Variants in TCTN2 observed in about 807,000 individuals in gnomAD.
The protein encoded by TCTN2 is tectonic-2.
TCTN2 carries 66 observed loss-of-function variants against 83.4 expected under a neutral mutation model. That is an observed-to-expected ratio of 0.79 (90% CI 0.65 to 0.97). The LOEUF (loss-of-function observed/expected upper bound fraction) is 0.97, where lower values mean the gene tolerates loss of function less well. TCTN2 is among the 50% of genes least tolerant of loss of function. The probability of loss-of-function intolerance (pLI) is 0.00; values close to 1 mark genes in which losing one functional copy is unlikely to be tolerated. For synonymous variants in TCTN2, 301 were observed against 326.7 expected, an observed-to-expected ratio of 0.92 and a Z score of 0.85; for missense variants, 794 against 858.1, an observed-to-expected ratio of 0.93 and a Z score of 0.93.
At chr12:123,690,699 GA>G in intron 8 of TCTN2, 25 bp downstream of exon 8, 1 of 1,612,980 alleles carries the variant, frequency 6.2e-7, no homozygotes, top group Non-Finnish European at 8.5e-7. Flanking sequence ...TTTGAAAAAA[GA>G]ACACAGGCCC....
At chr12:123,690,790 A>G in intron 8 of TCTN2, 116 bp downstream of exon 8, 6 of 1,303,186 alleles carry the variant, frequency 4.6e-6, no homozygotes, top group Non-Finnish European at 6.5e-6. Flanking sequence ...TTGAACTGCC[A>G]ATTATTTTCT....
chr12:123,671,226 C>G lies in TCTN2; in HGVS notation c.-15C>G. 1 of 1,610,070 alleles carries G rather than the reference C, an allele frequency of 6.2e-7. No homozygotes were observed. Among genetic ancestry groups the G allele is most frequent in the East Asian group, 2.2e-5 (1 of 44,742 alleles). On this transcript the variant is annotated 5_prime_UTR_variant, in exon 1 of 18. Coordinates refer to ENST00000303372, the MANE Select transcript of TCTN2 (RefSeq NM_024809.5). ...GGGCGCGGTTCTGCTGTGCCCGGCC[C>G]GCGAGGTCTAAGGCATGGGCTTCCA...
intron 3 of TCTN2, among the ~76,000 whole-genome samples, chr12:123,672,777 G>A (rs886345999): frequency 4.6e-5 from 7 of 151,314 alleles, no homozygotes; most frequent in African/African-American, 7.3e-5. Context: ...CTGGTCAGGC[G>A]CGGTGGCTCA....
rs1185327923 is a variant in TCTN2 at position 123,690,524 on chromosome 12, C to A, written c.892-9C>A. 6.2e-7 allele frequency: 1 copy of A among 1,614,080 alleles called. No homozygotes were observed. The highest frequency in any genetic ancestry group is 1.3e-5 in the African/African-American group (1 of 74,940). On this transcript the variant is annotated splice_polypyrimidine_tract_variant and intron_variant, in intron 7 of 17. Transcript: ENST00000303372. Reference sequence around the variant, plus strand: ...CCATAAATCTGTTGGCTTTGCCCTTCTCCCTCAGGTGTCCCTGGCTGGGCA... The same window carrying A: ...CCATAAATCTGTTGGCTTTGCCCTTATCCCTCAGGTGTCCCTGGCTGGGCA...
At chr12:123,699,537 C>G (rs1956147729) in intron 13 of TCTN2, among the ~76,000 whole-genome samples, 167 bp from the exon 14 acceptor site, 1 of 152,218 alleles carries the variant, frequency 6.6e-6, no homozygotes, top group East Asian at 1.9e-4. Flanking sequence ...CTGGGAAGGC[C>G]ATCAGACACA....
chr12:123,689,688 G>C (rs947464006), intron 7 of TCTN2, among the ~76,000 whole-genome samples: 1 of 151,972 alleles, frequency 6.6e-6, no homozygotes, highest in Non-Finnish European at 1.5e-5. Flanking sequence ...GTAGGGTCCG[G>C]TATAAAAAAC....
In TCTN2 at chr12:123,683,227, A is replaced by T. The variant is rs200332937; in HGVS notation, c.565-3609A>T. 7.2e-5 allele frequency among the ~76,000 whole-genome samples: 11 copies of T among 152,004 alleles called. No individual in the cohort carries two copies. In the East Asian group the frequency reaches 1.4e-3, roughly 19 times the overall value. ...GACAGAGTGAGAGTCCATCTCAAAA[A>T]AATAATAATAATAATTTTTGATTAA... is the stretch of plus-strand genomic sequence containing the variant. On this transcript the variant is annotated intron_variant, in intron 5 of 17. Transcript: ENST00000303372.
At position 123,703,911 on chromosome 12, in the gene TCTN2, T is replaced by G. The variant is rs199957726; in HGVS notation, c.1613-621T>G. Among the ~76,000 whole-genome samples the G allele has an allele frequency of 3.3e-5, 5 of 152,290 alleles. No homozygotes were observed. The East Asian group carries it at 9.6e-4, about 29-fold the overall frequency. On this transcript the variant is annotated intron_variant, in intron 14 of 17. Transcript: ENST00000303372. ...TTTCTGTTAAAAGGCTGGGTAGATTTCAGTGGGAGCTTGGAAACTGAATCA... is the reference window on the plus strand; with the variant it reads ...TTTCTGTTAAAAGGCTGGGTAGATTGCAGTGGGAGCTTGGAAACTGAATCA...
At chr12:123,682,834 T>C (rs1437666355) in intron 5 of TCTN2, among the ~76,000 whole-genome samples, 1 of 152,160 alleles carries the variant, frequency 6.6e-6, no homozygotes, top group African/African-American at 2.4e-5. Context: ...TTTAAAAATT[T>C]GATGAAGTCC....
At chr12:123,671,981 C>T in intron 2 of TCTN2, 75 bp from the exon 3 acceptor site, 2 of 1,219,638 alleles carry the variant, frequency 1.6e-6, no homozygotes, top group East Asian at 2.3e-5. Flanking sequence ...TGAGTCCATC[C>T]TAGGCAGTCT....
At position 123,688,159 on chromosome 12, in the gene TCTN2, A is replaced by G. The variant is rs73418153; in HGVS notation, c.873A>G (p.Ala291=). The G allele has an allele frequency of 0.025, 40,764 of 1,610,976 alleles. 1,189 individuals are homozygous for G. The highest frequency in any genetic ancestry group is 0.13 in the African/African-American group (9,963 of 74,576). The change falls in exon 7 of 18, where the codon GCA becomes GCG. Residue 291 remains alanine (A), a synonymous_variant. Coordinates refer to ENST00000303372, the MANE Select transcript of TCTN2 (RefSeq NM_024809.5). ...QGDPIMTVKK[A]YFTIPQVSLA... ...ATCCCATTATGACTGTAAAGAAGGC[A>G]TATTTTACTATTCCGCAGGTAATCG...
intron 7 of TCTN2, 94 bp downstream of exon 7, chr12:123,688,271 C>T (rs1369737934): frequency 1.3e-6 from 2 of 1,487,990 alleles, no homozygotes; most frequent in South Asian, 2.4e-5. Flanking sequence ...GGCTCAAGTG[C>T]AGTGCCAGAT....
chr12:123,673,421 G>A (rs1482675876), intron 3 of TCTN2, among the ~76,000 whole-genome samples, 194 bp from the exon 4 acceptor site: 2 of 152,174 alleles, frequency 1.3e-5, no homozygotes, highest in Non-Finnish European at 1.5e-5. Context: ...TTATGTTAAG[G>A]AAGAAGAATC....
At chr12:123,702,057 C>G (rs1457431855) in intron 14 of TCTN2, among the ~76,000 whole-genome samples, 3 of 152,192 alleles carry the variant, frequency 2.0e-5, no homozygotes, top group Non-Finnish European at 2.9e-5. Flanking sequence ...GAATGAAAAC[C>G]TGGGGTTCCA....
rs756364381 is a variant in TCTN2 at position 123,704,553 on chromosome 12, G to A, written c.1634G>A (p.Gly545Asp). Residue 545 changes from glycine (G) to aspartate (D), a missense_variant, in exon 15 of 18, where the codon GGT (glycine) becomes GAT (aspartate). Gly to Asp is a moderately conservative substitution (Grantham distance 94). Coordinates refer to ENST00000303372, the MANE Select transcript of TCTN2 (RefSeq NM_024809.5). ...EIIRVDAPDP[G>D]ADPLASSVNG... is the part of the protein sequence containing the mutation. Reference sequence around the variant, plus strand: ...ATAGGTGTAGATGCCCCTGATCCAGGTGCAGACCCGCTGGCTAGCAGTGTG... The same window carrying A: ...ATAGGTGTAGATGCCCCTGATCCAGATGCAGACCCGCTGGCTAGCAGTGTG... The A allele has an allele frequency of 6.2e-6, 10 of 1,612,782 alleles. No homozygotes were observed. The highest frequency in any genetic ancestry group is 8.5e-6 in the Non-Finnish European group (10 of 1,179,638).
At position 123,671,236 on chromosome 12, in the gene TCTN2, A is replaced by G. The variant is rs1955744917; in HGVS notation, c.-5A>G. The G allele has an allele frequency of 3.1e-6, 5 of 1,612,340 alleles. No individual in the cohort carries two copies. The East Asian group carries it at 1.1e-4, about 36-fold the overall frequency. ...CTGCTGTGCCCGGCCCGCGAGGTCT[A>G]AGGCATGGGCTTCCAGCCTCCGGCC... On this transcript the variant is annotated 5_prime_UTR_variant, in exon 1 of 18. Transcript: ENST00000303372.
At chr12:123,700,252 C>A in intron 14 of TCTN2, 1 of 298,292 alleles carries the variant, frequency 3.4e-6, no homozygotes, top group East Asian at 8.5e-5. Context: ...CTTAAGTGAT[C>A]TGCCCACCCC....
intron 7 of TCTN2, among the ~76,000 whole-genome samples, chr12:123,688,903 T>C (rs1956008965): frequency 6.6e-6 from 1 of 151,974 alleles, no homozygotes; most frequent in Non-Finnish European, 1.5e-5. Flanking sequence ...ATTACAGGCA[T>C]GCACCACCAC....
intron 15 of TCTN2, among the ~76,000 whole-genome samples, 183 bp downstream of exon 15, chr12:123,704,871 CACAAGTAT>C (rs1956212295): frequency 6.6e-6 from 1 of 152,060 alleles, no homozygotes; most frequent in Non-Finnish European, 1.5e-5. Context: ...GACTTATTCT[CACAAGTAT>C]TTATAAAGCC....
Sources: gnomAD v4.1 joint callset for allele counts (sites outside exome capture counted in the v4.1 genomes callset) on GRCh38, gnomAD v4.1.1 for gene constraint, MANE v1.5 for transcripts, NCBI Gene and HGNC (gene_info 2026-07-23, HGNC 2026-07-21) for gene names.